TANC1: variants seen among roughly 807,000 people sequenced by gnomAD.
TANC1 encodes the protein protein TANC1.
In TANC1, 77 loss-of-function variants were observed where a neutral mutation model predicts 149.7. That is an observed-to-expected ratio of 0.51 (90% CI 0.43 to 0.62). The LOEUF is 0.62. TANC1 is among the 20% of genes least tolerant of loss of function. The pLI is 0.00. For missense variants in TANC1, 1,985 were observed against 2,321.8 expected, an observed-to-expected ratio of 0.85 and a Z score of 2.98; for synonymous variants, 854 against 925.0, an observed-to-expected ratio of 0.92 and a Z score of 1.39.
At chr2:159,085,761 C>T (rs1052256347) in intron 3 of TANC1, among the ~76,000 whole-genome samples, 2 of 152,096 alleles carry the variant, frequency 1.3e-5, no homozygotes, top group Non-Finnish European at 2.9e-5. Context: ...GGGAGGGCAC[C>T]GAGCCATTCA....
intron 1 of TANC1, among the ~76,000 whole-genome samples, chr2:158,976,338 A>G (rs1011036709): frequency 6.6e-6 from 1 of 152,170 alleles, no homozygotes; most frequent in African/African-American, 2.4e-5. Flanking sequence ...GCCTTTTACA[A>G]CCTGGTGGAA....
At position 159,219,679 on chromosome 2, in the gene TANC1, GCTTTC is replaced by G; in HGVS notation, c.3503-7_3503-3del. On this transcript the variant is annotated splice_region_variant and splice_polypyrimidine_tract_variant and intron_variant, in intron 21 of 26. Transcript: ENST00000263635. ...CATAATGTTCATGTTCTGTGAATGG[GCTTTC>G]CTTTCAGGTGCAGCCCTTTCTTCTC... is the stretch of plus-strand genomic sequence containing the variant. 6.2e-7 allele frequency: 1 copy of G among 1,614,162 alleles called. No homozygotes were observed. The highest frequency in any genetic ancestry group is 8.5e-7 in the Non-Finnish European group (1 of 1,180,016).
intron 16 of TANC1, among the ~76,000 whole-genome samples, chr2:159,187,664 G>A (rs2057104217): frequency 6.6e-6 from 1 of 152,126 alleles, no homozygotes; most frequent in African/African-American, 2.4e-5. Context: ...ACAGTGTCCA[G>A]GCCTTTCAGC....
At chr2:159,041,057 C>A (rs2040590009) in intron 2 of TANC1, among the ~76,000 whole-genome samples, 1 of 152,218 alleles carries the variant, frequency 6.6e-6, no homozygotes, top group South Asian at 2.1e-4. Flanking sequence ...TGGAGGTTCA[C>A]TACAGACCCT....
At chr2:159,141,067 C>G (rs965338894) in intron 5 of TANC1, among the ~76,000 whole-genome samples, 1 of 152,154 alleles carries the variant, frequency 6.6e-6, no homozygotes, top group African/African-American at 2.4e-5. Flanking sequence ...TTAGTTCAGG[C>G]TGCTATAACA....
intron 7 of TANC1, among the ~76,000 whole-genome samples, chr2:159,159,487 G>A (rs543289215): frequency 5.3e-5 from 8 of 151,538 alleles, no homozygotes; most frequent in African/African-American, 9.7e-5. Flanking sequence ...GAGTGCAGTC[G>A]TATTTCAGAG....
chr2:159,051,063 C>G (rs1410615686), intron 2 of TANC1, among the ~76,000 whole-genome samples: 1 of 152,180 alleles, frequency 6.6e-6, no homozygotes, highest in Non-Finnish European at 1.5e-5. Flanking sequence ...AAACTTAGTA[C>G]ATCTGTGCAA....
chr2:159,220,149 C>CGTGAATATGCATACACAT (rs2059609441), intron 22 of TANC1, among the ~76,000 whole-genome samples: 2 of 152,018 alleles, frequency 1.3e-5, no homozygotes, highest in Admixed American at 1.3e-4. Context: ...CAGACACATA[C>CGTGAATATGCATACACAT]GTGAATATGC....
At chr2:159,092,434 C>G (rs1252911152) in intron 3 of TANC1, among the ~76,000 whole-genome samples, 1 of 152,208 alleles carries the variant, frequency 6.6e-6, no homozygotes, top group African/African-American at 2.4e-5. Flanking sequence ...TTGACATTTT[C>G]TTCCATTATG....
At chr2:159,015,384 C>T (rs1378253757) in intron 2 of TANC1, among the ~76,000 whole-genome samples, 1 of 152,200 alleles carries the variant, frequency 6.6e-6, no homozygotes, top group Non-Finnish European at 1.5e-5. Flanking sequence ...AAACCCTTGG[C>T]TCAACCTACA....
chr2:159,079,367 T>TTTTTA (rs2044027409), intron 3 of TANC1, among the ~76,000 whole-genome samples: 2 of 134,980 alleles, frequency 1.5e-5, no homozygotes, highest in Non-Finnish European at 3.4e-5. Flanking sequence ...TTTTTTTTTT[T>TTTTTA]GAGTGTTTGC....
At position 159,149,158 on chromosome 2, in the gene TANC1, T is replaced by C. The variant is rs186932875; in HGVS notation, c.381T>C (p.Asn127=). 72 of 1,599,768 alleles carry C rather than the reference T, an allele frequency of 4.5e-5. No homozygotes were observed. The African/African-American group carries it at 8.2e-4, about 18-fold the overall frequency. Residue 127 remains asparagine (N), a synonymous_variant, in exon 6 of 27, where the codon AAT becomes AAC. Transcript: ENST00000263635. ...EPDEHEAKAD[N]EPSCSPAAQE... is the part of the protein sequence containing the mutation. The stretch of plus-strand genomic sequence containing the variant: ...TTGTTCCAGAAGCAAAGGCCGATAA[T>C]GAACCGAGCTGTTCGCCGGCAGCTC...
Position 159,044,771 on chromosome 2 carries a change from T to TG in TANC1, c.-15-21120dup, listed in dbSNP as rs574252236. Reference sequence around the variant, plus strand: ...TGTTGGAAATACTGCCCCAAGGGGATGGGGGTCAAGATAAAAGGAGCTTCC... The same window carrying TG: ...TGTTGGAAATACTGCCCCAAGGGGATGGGGGGTCAAGATAAAAGGAGCTTCC... On this transcript the variant is annotated intron_variant, in intron 2 of 26. Coordinates refer to ENST00000263635, the MANE Select transcript of TANC1 (RefSeq NM_033394.3). Among the ~76,000 whole-genome samples, 13 of 152,180 alleles carry TG rather than the reference T, an allele frequency of 8.5e-5. No individual in the cohort carries two copies. The East Asian group carries it at 2.5e-3, about 29-fold the overall frequency.
intron 3 of TANC1, among the ~76,000 whole-genome samples, chr2:159,068,999 G>A (rs908321292): frequency 2.0e-5 from 3 of 152,092 alleles, no homozygotes; most frequent in East Asian, 1.9e-4. Context: ...CCTCGGCCTC[G>A]CAAAGTGCTA....
At chr2:159,093,120 A>G (rs574785024) in intron 3 of TANC1, among the ~76,000 whole-genome samples, 13 of 152,354 alleles carry the variant, frequency 8.5e-5, no homozygotes, top group African/African-American at 2.9e-4. Context: ...TGGAGGAGGT[A>G]AATTACTAGT....
At chr2:159,177,585 T>C (rs1173928131) in intron 13 of TANC1, among the ~76,000 whole-genome samples, 1 of 152,236 alleles carries the variant, frequency 6.6e-6, no homozygotes, top group African/African-American at 2.4e-5. Flanking sequence ...CAGTAGATCA[T>C]AGGAACCAGG....
At chr2:159,137,314 T>C (rs2050865614) in intron 5 of TANC1, among the ~76,000 whole-genome samples, 2 of 151,936 alleles carry the variant, frequency 1.3e-5, no homozygotes, top group Admixed American at 6.6e-5. Flanking sequence ...AAAATATAGC[T>C]AAAAATGAGC....
At position 159,228,202 on chromosome 2, in the gene TANC1, A is replaced by G. The variant is rs73967250; in HGVS notation, c.4050+237A>G. On this transcript the variant is annotated intron_variant, in intron 25 of 26. Transcript: ENST00000263635. ...ACTTGGGTTTCGTTTCCTTGGCCTC[A>G]GTAATGAGAAGCAAATGCAGTCTGC... The G allele has an allele frequency of 0.015, 7,388 of 498,436 alleles. 331 individuals carry two copies. Among genetic ancestry groups the G allele is most frequent in the African/African-American group, 0.11 (5,743 of 51,546 alleles). 30.9% of individuals were successfully genotyped at this position (498,436 alleles called of 1,614,324 possible). A position where few individuals can be genotyped will look rare whatever the true frequency, so the allele number is the denominator to read the frequency against.
rs548325076 is a variant in TANC1 at position 159,146,161 on chromosome 2, A to G, written c.365-2981A>G. ...AGTTCCTAAGCAACTCATCACTCCC[A>G]AGATGGCTCAGTGACACTTCTCCCA... On this transcript the variant is annotated intron_variant, in intron 5 of 26. Transcript: ENST00000263635. Among the ~76,000 whole-genome samples, 3 of 152,258 alleles carry G rather than the reference A, an allele frequency of 2.0e-5. No homozygotes were observed. In the East Asian group the frequency reaches 5.8e-4, roughly 29 times the overall value.
Sources: allele counts gnomAD v4.1 joint callset (sites outside exome capture counted in the v4.1 genomes callset), GRCh38; gene constraint gnomAD v4.1.1; transcripts MANE v1.5; gene names NCBI Gene and HGNC (gene_info 2026-07-23, HGNC 2026-07-21).